Variants in SPIDR observed in about 807,000 individuals in gnomAD.
The protein encoded by SPIDR is scaffold protein involved in DNA repair.
SPIDR carries 93 observed loss-of-function variants against 104.6 expected under a neutral mutation model. The observed-to-expected ratio is 0.89, with a 90% CI of 0.75 to 1.06. The LOEUF is 1.06. Ranked by LOEUF, SPIDR falls within the 50% of genes least tolerant of loss-of-function variation. SPIDR has a pLI of 0.00. For missense variants in SPIDR, 1,154 were observed against 1,111.2 expected (o/e 1.04, Z -0.55); for synonymous variants, 431 against 416.9 (o/e 1.03, Z -0.41).
chr8:47,404,385 A>C (rs1428198339), intron 6 of SPIDR, among the ~76,000 whole-genome samples: 1 of 152,254 alleles, frequency 6.6e-6, no homozygotes, highest in East Asian at 1.9e-4. Flanking sequence ...CTGCACAGCA[A>C]AAGAAACTAC....
intron 8 of SPIDR, among the ~76,000 whole-genome samples, chr8:47,589,024 T>G (rs1012857979): frequency 2.7e-5 from 3 of 110,412 alleles, no homozygotes; most frequent in South Asian, 4.9e-4. Context: ...TATAGTTTGT[T>G]TTTTTTTTTT....
chr8:47,301,775 C>T, intron 5 of SPIDR, among the ~76,000 whole-genome samples: 1 of 116,728 alleles, frequency 8.6e-6, no homozygotes, highest in Non-Finnish European at 1.8e-5. Context: ...TATTGGCCCC[C>T]ACTCTCTTCT....
intron 8 of SPIDR, among the ~76,000 whole-genome samples, chr8:47,562,513 A>G (rs2057207301): frequency 6.6e-6 from 1 of 152,158 alleles, no homozygotes; most frequent in Admixed American, 6.6e-5. Flanking sequence ...GGCAAGGTTC[A>G]CTGGTAGGAC....
intron 5 of SPIDR, 117 bp downstream of exon 5, chr8:47,294,147 T>C (rs2154240489): frequency 1.5e-6 from 2 of 1,301,564 alleles, no homozygotes; most frequent in East Asian, 4.8e-5. Flanking sequence ...CACTTTTGAC[T>C]CTTAGGGGAT....
intron 19 of SPIDR, chr8:47,732,450 G>A: frequency 2.0e-6 from 1 of 501,692 alleles, no homozygotes; most frequent in Non-Finnish European, 3.6e-6. Context: ...GCCAGAGGGT[G>A]GCAGCAGCCT....
intron 5 of SPIDR, among the ~76,000 whole-genome samples, chr8:47,309,577 A>G (rs782790944): frequency 5.3e-5 from 8 of 152,212 alleles, no homozygotes; most frequent in Non-Finnish European, 1.0e-4. Context: ...TTTTCTTTGC[A>G]TGAACCTTCT....
chr8:47,715,872 G>GT (rs539036776), intron 16 of SPIDR, among the ~76,000 whole-genome samples: 15 of 152,084 alleles, frequency 9.9e-5, no homozygotes, highest in African/African-American at 3.1e-4. Context: ...GAATTGCTAA[G>GT]TCATATGGTA....
chr8:47,665,728 G>T (rs1192294498), intron 10 of SPIDR, among the ~76,000 whole-genome samples: 4 of 152,134 alleles, frequency 2.6e-5, no homozygotes, highest in Admixed American at 2.6e-4. Context: ...TCTGCATCAG[G>T]TGACCACTCA....
intron 8 of SPIDR, among the ~76,000 whole-genome samples, chr8:47,593,745 G>C (rs1435082434): frequency 1.3e-5 from 2 of 152,206 alleles, no homozygotes; most frequent in Admixed American, 6.5e-5. Context: ...GAGAGAGGGA[G>C]AGACTCCTTG....
intron 8 of SPIDR, among the ~76,000 whole-genome samples, chr8:47,481,305 G>C (rs1374304545): frequency 1.3e-5 from 2 of 152,160 alleles, no homozygotes; most frequent in Non-Finnish European, 2.9e-5. Flanking sequence ...ATAATGTTAA[G>C]TGAAAAACTG....
At chr8:47,410,516 T>C (rs957244616) in intron 7 of SPIDR, among the ~76,000 whole-genome samples, 1 of 152,106 alleles carries the variant, frequency 6.6e-6, no homozygotes, top group Admixed American at 6.6e-5. Flanking sequence ...GGTCAATCCA[T>C]TGTTATACTT....
At chr8:47,635,261 T>C (rs2067718612) in intron 10 of SPIDR, among the ~76,000 whole-genome samples, 1 of 152,132 alleles carries the variant, frequency 6.6e-6, no homozygotes, top group Non-Finnish European at 1.5e-5. Flanking sequence ...CAAGAATCGC[T>C]TGAACCTGGG....
chr8:47,410,206 G>A (rs1450600578), intron 7 of SPIDR, among the ~76,000 whole-genome samples: 2 of 149,922 alleles, frequency 1.3e-5, no homozygotes, highest in Non-Finnish European at 3.0e-5. Flanking sequence ...TTTTGAGACA[G>A]CATCTCGCTC....
intron 5 of SPIDR, among the ~76,000 whole-genome samples, chr8:47,319,487 A>T (rs570624684): frequency 4.0e-4 from 61 of 152,176 alleles, no homozygotes; most frequent in Non-Finnish European, 7.4e-4. Context: ...CTCCCACACA[A>T]TAATAATGGG....
chr8:47,286,307 G>C (rs377443678), intron 3 of SPIDR, among the ~76,000 whole-genome samples: 1 of 152,192 alleles, frequency 6.6e-6, no homozygotes, highest in Non-Finnish European at 1.5e-5. Context: ...CTGAAAAAAG[G>C]CATTACATTT....
intron 8 of SPIDR, among the ~76,000 whole-genome samples, chr8:47,497,483 A>G (rs1044549029): frequency 2.0e-5 from 3 of 152,128 alleles, no homozygotes; most frequent in African/African-American, 4.8e-5. Flanking sequence ...GGGGTGTGTC[A>G]TTTAAGTTCC....
chr8:47,551,485 T>C (rs2090475381), intron 8 of SPIDR, among the ~76,000 whole-genome samples: 1 of 152,230 alleles, frequency 6.6e-6, no homozygotes, highest in Non-Finnish European at 1.5e-5. Flanking sequence ...AACTTCTTCC[T>C]GGTTTAGTCT....
intron 10 of SPIDR, among the ~76,000 whole-genome samples, chr8:47,661,901 C>T (rs1289577839): frequency 6.6e-6 from 1 of 152,234 alleles, no homozygotes; most frequent in Non-Finnish European, 1.5e-5. Context: ...GTTTGAGTCA[C>T]ATTCTCCATA....
intron 10 of SPIDR, among the ~76,000 whole-genome samples, chr8:47,665,140 A>G (rs189256902): frequency 1.3e-5 from 2 of 152,322 alleles, no homozygotes; most frequent in African/African-American, 4.8e-5. Context: ...AGACACCTCA[A>G]AGTCAAAATG....
Sources: gnomAD v4.1 joint callset for allele counts (sites outside exome capture counted in the v4.1 genomes callset) on GRCh38, gnomAD v4.1.1 for gene constraint, MANE v1.5 for transcripts, NCBI Gene and HGNC (gene_info 2026-07-23, HGNC 2026-07-21) for gene names.